The following PTPRT variants were observed in gnomAD, a reference collection of about 807,000 sequenced individuals.
The protein encoded by PTPRT is receptor-type tyrosine-protein phosphatase T.
Under a neutral mutation model 176.8 loss-of-function variants are expected in PTPRT, and 56 were observed. The ratio of observed to expected loss-of-function variants is 0.32; its 90% CI spans 0.26 to 0.40. PTPRT has a LOEUF of 0.40. Ranked by LOEUF, PTPRT falls within the 10% of genes least tolerant of loss-of-function variation. PTPRT has a pLI of 1.00. For synonymous variants in PTPRT, 783 were observed against 739.0 expected (o/e 1.06, Z -0.96); for missense variants, 1,540 against 1,908.2 (o/e 0.81, Z 3.60).
At chr20:42,794,468 C>T (rs755737163) in intron 2 of PTPRT, among the ~76,000 whole-genome samples, 16 of 152,120 alleles carry the variant, frequency 1.1e-4, no homozygotes, top group African/African-American at 1.7e-4. Context: ...CCCAGGTGAT[C>T]GGCATGTACA....
intron 2 of PTPRT, among the ~76,000 whole-genome samples, chr20:42,809,922 C>T (rs778650526): frequency 3.9e-5 from 6 of 152,160 alleles, no homozygotes; most frequent in Non-Finnish European, 8.8e-5. Flanking sequence ...GGCCGTGATT[C>T]AACCCCACTA....
intron 20 of PTPRT, among the ~76,000 whole-genome samples, chr20:42,119,096 C>A (rs1436095135): frequency 2.1e-5 from 3 of 141,642 alleles, no homozygotes; most frequent in Non-Finnish European, 4.6e-5. Context: ...TTGGAAATTA[C>A]TCTTTCAATG....
rs11468131 is a variant in PTPRT, at chr20:42,590,927, CGTGTGTGTGTGTGT to C, written c.1153+86925_1153+86938del. On this transcript the variant is annotated intron_variant, in intron 7 of 30. Coordinates refer to ENST00000373187, the MANE Select transcript of PTPRT (RefSeq NM_007050.6). ...AGATCTAAATGTTACAGAGATTTAG[CGTGTGTGTGTGTGT>C]GTGTGTGTGTGTGTGTGTGTGTGTG... Among the ~76,000 whole-genome samples, 732 of 131,082 alleles carry C rather than the reference CGTGTGTGTGTGTGT, an allele frequency of 5.6e-3. 9 individuals carry two copies. The highest frequency in any genetic ancestry group is 0.017 in the African/African-American group (629 of 36,084). 86.0% of individuals were successfully genotyped at this position (131,082 alleles called of 152,430 possible).
chr20:43,146,281 G>A (rs568957568), intron 1 of PTPRT, among the ~76,000 whole-genome samples: 13 of 152,284 alleles, frequency 8.5e-5, no homozygotes, highest in African/African-American at 2.6e-4. Flanking sequence ...ACCAGTCCCA[G>A]CTAAGCCAAA....
In PTPRT at chr20:42,077,851, C is replaced by T. The variant is rs1457106739; in HGVS notation, c.*3028G>A. On this transcript the variant is annotated 3_prime_UTR_variant, in exon 31 of 31. Transcript: ENST00000373187. ...GCAAGTTTGTTTCTCCCTGAAGTCA[C>T]ACCTTAAATTCCTACCATTTAAAAT... is the stretch of plus-strand genomic sequence containing the variant. 5.2e-6 allele frequency: 1 copy of T among 193,678 alleles called. No individual in the cohort carries two copies. The highest frequency in any genetic ancestry group is 7.9e-5 in the East Asian group (1 of 12,648). The allele number at this position is 193,678 out of a possible 1,614,324, so 12.0% of individuals were successfully genotyped here. A position where few individuals can be genotyped will look rare whatever the true frequency, so the allele number is the denominator to read the frequency against.
At chr20:42,592,050 G>C (rs1473573628) in intron 7 of PTPRT, among the ~76,000 whole-genome samples, 1 of 141,896 alleles carries the variant, frequency 7.0e-6, no homozygotes, top group Non-Finnish European at 1.5e-5. Context: ...CACGATCTCA[G>C]CTCACTGCAA....
intron 1 of PTPRT, among the ~76,000 whole-genome samples, chr20:42,906,987 A>C (rs1203331999): frequency 6.6e-6 from 1 of 152,194 alleles, no homozygotes; most frequent in Non-Finnish European, 1.5e-5. Flanking sequence ...ACCATGTCAC[A>C]GGCCCCCTAA....
intron 7 of PTPRT, among the ~76,000 whole-genome samples, chr20:42,649,160 G>A (rs2074981608): frequency 6.6e-6 from 1 of 152,036 alleles, no homozygotes; most frequent in African/African-American, 2.4e-5. Flanking sequence ...ACGTGGCTGG[G>A]GAGGCCTCAC....
chr20:42,926,811 C>A (rs939133353), intron 1 of PTPRT, among the ~76,000 whole-genome samples: 2 of 152,172 alleles, frequency 1.3e-5, no homozygotes, highest in African/African-American at 4.8e-5. Flanking sequence ...CAAGCCTCAG[C>A]AAGGGGGCAG....
Position 42,237,973 on chromosome 20 carries a change from C to T in PTPRT, c.2313-1715G>A, listed in dbSNP as rs570806611. Among the ~76,000 whole-genome samples, 74 of 152,222 alleles carry T rather than the reference C, an allele frequency of 4.9e-4. No individual in the cohort carries two copies. In the South Asian group the frequency reaches 0.015, roughly 31 times the overall value. On this transcript the variant is annotated intron_variant, in intron 14 of 30. Transcript: ENST00000373187. ...CGTTATAACTGCAGAGTGGGGGATA[C>T]GTCTTCACAGCCCCAAATTTTCCCA... is the stretch of plus-strand genomic sequence containing the variant.
intron 1 of PTPRT, among the ~76,000 whole-genome samples, chr20:43,178,570 T>A (rs2015175255): frequency 6.6e-6 from 1 of 152,092 alleles, no homozygotes; most frequent in Admixed American, 6.5e-5. Flanking sequence ...CATCCAAAGC[T>A]CTGGATCTGA....
chr20:42,163,751 A>C (rs1989708548), intron 16 of PTPRT, among the ~76,000 whole-genome samples: 1 of 152,240 alleles, frequency 6.6e-6, no homozygotes. Flanking sequence ...TAGAAATGTC[A>C]GGGGAGGGCA....
At chr20:43,083,103 A>G (rs754084219) in intron 1 of PTPRT, among the ~76,000 whole-genome samples, 9 of 151,816 alleles carry the variant, frequency 5.9e-5, no homozygotes, top group Non-Finnish European at 1.2e-4. Flanking sequence ...TTCCCTGGCA[A>G]TACTCATTGT....
intron 1 of PTPRT, among the ~76,000 whole-genome samples, chr20:42,898,003 G>A (rs2079333158): frequency 6.6e-6 from 1 of 152,164 alleles, no homozygotes; most frequent in African/African-American, 2.4e-5. Context: ...CAAACAAAAT[G>A]TTTTAAAGAA....
chr20:42,219,688 T>C (rs1297119504), intron 15 of PTPRT, among the ~76,000 whole-genome samples: 2 of 152,140 alleles, frequency 1.3e-5, no homozygotes, highest in Non-Finnish European at 2.9e-5. Flanking sequence ...CATTTTGCAG[T>C]GTAGGAAAAA....
Position 42,973,595 on chromosome 20 carries a change from C to T in PTPRT, c.89-87663G>A, listed in dbSNP as rs2146070955. On this transcript the variant is annotated intron_variant, in intron 1 of 30. Transcript: ENST00000373187. ...GTGCAGCGACCTCAGCCCCTTTTCC[C>T]ACAGTGGTCCCACCTACCTGGAACA... is the stretch of plus-strand genomic sequence containing the variant. Among the ~76,000 whole-genome samples, 3 of 152,326 alleles carry T rather than the reference C, an allele frequency of 2.0e-5. 1 individual carries two copies.
In PTPRT at chr20:42,350,618, C is replaced by A. The variant is rs767821268; in HGVS notation, c.1865+10G>T. On this transcript the variant is annotated intron_variant, in intron 11 of 30. Coordinates refer to ENST00000373187, the MANE Select transcript of PTPRT (RefSeq NM_007050.6). ...AAAACTGCAGACTCCAAGTGAAGAA[C>A]CATCCTCACCTGACAGGAGCTCCCC... 15 of 1,583,474 alleles carry A rather than the reference C, an allele frequency of 9.5e-6. No homozygotes were observed. Among genetic ancestry groups the A allele is most frequent in the Admixed American group, 1.7e-5 (1 of 59,974 alleles).
In PTPRT at chr20:43,189,161, C is replaced by T. The variant is rs1222199210; in HGVS notation, c.88+485G>A. 6.6e-6 allele frequency among the ~76,000 whole-genome samples: 1 copy of T among 152,116 alleles called. No homozygotes were observed. Among genetic ancestry groups the T allele is most frequent in the Non-Finnish European group, 1.5e-5 (1 of 68,024 alleles). On this transcript the variant is annotated intron_variant, in intron 1 of 30. Transcript: ENST00000373187. This position sits in a 1 kb window ranked among gnomAD's most constrained non-coding sequence, Gnocchi z 5.0. ...GCAAATGGAGAGCTTCCTGTATCTC[C>T]GAGGAAAAAAGAAAAGCCGCCGCCC...
At chr20:43,163,838 G>A (rs1428826558) in intron 1 of PTPRT, among the ~76,000 whole-genome samples, 1 of 152,126 alleles carries the variant, frequency 6.6e-6, no homozygotes, top group Non-Finnish European at 1.5e-5. Context: ...GAGAGGAGAG[G>A]GAGATATGAA....
Sources: allele counts gnomAD v4.1 joint callset (sites outside exome capture counted in the v4.1 genomes callset), GRCh38; gene constraint gnomAD v4.1.1; non-coding constraint Gnocchi (gnomAD v3.1); transcripts MANE v1.5; gene names NCBI Gene and HGNC (gene_info 2026-07-23, HGNC 2026-07-21).